EPHB1: variants seen among roughly 807,000 people sequenced by gnomAD.
EPHB1 encodes ephrin type-B receptor 1.
In EPHB1, 30 loss-of-function variants were observed where a neutral mutation model predicts 94.4. The observed-to-expected ratio is 0.32, with a 90% CI of 0.24 to 0.43. The LOEUF is 0.43. EPHB1 is among the 20% of genes least tolerant of loss of function. EPHB1 has a pLI of 1.00. For synonymous variants in EPHB1, 522 were observed against 489.1 expected (o/e 1.07, Z -0.89); for missense variants, 1,055 against 1,308.3 (o/e 0.81, Z 2.99).
At chr3:135,020,883 G>A (rs905892330) in intron 3 of EPHB1, among the ~76,000 whole-genome samples, 1 of 152,116 alleles carries the variant, frequency 6.6e-6, no homozygotes, top group African/African-American at 2.4e-5. Context: ...TTCGTAAATA[G>A]TAATAGGGTG....
chr3:134,898,912 C>G (rs2038142824), intron 1 of EPHB1, among the ~76,000 whole-genome samples: 1 of 152,136 alleles, frequency 6.6e-6, no homozygotes, highest in African/African-American at 2.4e-5. Flanking sequence ...CCCTGGAACT[C>G]TGACTCTAGG....
intron 3 of EPHB1, among the ~76,000 whole-genome samples, chr3:134,967,414 C>T (rs1420497060): frequency 2.6e-5 from 4 of 152,238 alleles, no homozygotes. Flanking sequence ...GAGATAGGAC[C>T]TTTGCTAGGT....
At chr3:135,016,263 C>T (rs1935793646) in intron 3 of EPHB1, among the ~76,000 whole-genome samples, 1 of 152,176 alleles carries the variant, frequency 6.6e-6, no homozygotes, top group African/African-American at 2.4e-5. Context: ...CAATAAAATG[C>T]AGATATGCGA....
At chr3:134,978,580 T>G (rs1419506004) in intron 3 of EPHB1, among the ~76,000 whole-genome samples, 1 of 152,222 alleles carries the variant, frequency 6.6e-6, no homozygotes, top group Non-Finnish European at 1.5e-5. Flanking sequence ...GGATTTCCCT[T>G]CTCTTTCCTT....
chr3:135,015,391 C>T (rs1217836206), intron 3 of EPHB1, among the ~76,000 whole-genome samples: 1 of 152,166 alleles, frequency 6.6e-6, no homozygotes, highest in Non-Finnish European at 1.5e-5. Context: ...CAGTCACATG[C>T]CACCACACCC....
At chr3:135,102,916 A>T (rs979703757) in intron 3 of EPHB1, among the ~76,000 whole-genome samples, 2 of 152,132 alleles carry the variant, frequency 1.3e-5, no homozygotes, top group African/African-American at 4.8e-5. Context: ...CATAAGTAGG[A>T]GTTGAACAAT....
chr3:135,080,495 A>T (rs1023620930), intron 3 of EPHB1, among the ~76,000 whole-genome samples: 1 of 152,168 alleles, frequency 6.6e-6, no homozygotes, highest in African/African-American at 2.4e-5. Context: ...CCCTGGGGAC[A>T]CTTGGGGGTG....
chr3:135,152,206 T>G (rs1941216069), intron 5 of EPHB1, among the ~76,000 whole-genome samples: 1 of 152,212 alleles, frequency 6.6e-6, no homozygotes, highest in Non-Finnish European at 1.5e-5. Flanking sequence ...CTAGTTTCCT[T>G]AGATATTTGA....
At chr3:135,119,395 C>T (rs1016107239) in intron 4 of EPHB1, among the ~76,000 whole-genome samples, 1 of 152,056 alleles carries the variant, frequency 6.6e-6, no homozygotes, top group African/African-American at 2.4e-5. Flanking sequence ...TATATATGTC[C>T]TTCCCACTCT....
intron 1 of EPHB1, among the ~76,000 whole-genome samples, chr3:134,864,187 C>T (rs1252130027): frequency 6.6e-6 from 1 of 152,194 alleles, no homozygotes; most frequent in African/African-American, 2.4e-5. Context: ...CACTGCAGTT[C>T]ATGGCTTTTG....
intron 3 of EPHB1, among the ~76,000 whole-genome samples, chr3:135,065,049 A>G (rs1186173114): frequency 2.0e-5 from 3 of 152,018 alleles, no homozygotes; most frequent in African/African-American, 7.2e-5. Context: ...GTTTTATTCC[A>G]CTGTGGTCTG....
chr3:134,977,831 T>C, intron 3 of EPHB1: 1 of 359,960 alleles, frequency 2.8e-6, no homozygotes, highest in South Asian at 2.1e-5. Flanking sequence ...CCAGGAGATG[T>C]TGGAAACCAC....
At position 135,123,124 on chromosome 3, in the gene EPHB1, G is replaced by A. The variant is rs1940044902; in HGVS notation, c.962-9590G>A. ...AGGTGCCTCTACCCCAGGTGGAAGA[G>A]TTGTTAAGGATGAGATTTGGAACCT... is the stretch of plus-strand genomic sequence containing the variant. On this transcript the variant is annotated intron_variant, in intron 4 of 15. Coordinates refer to ENST00000398015, the MANE Select transcript of EPHB1 (RefSeq NM_004441.5). Among the ~76,000 whole-genome samples, 3 of 152,196 alleles carry A rather than the reference G, an allele frequency of 2.0e-5. No individual in the cohort carries two copies. In the South Asian group the frequency reaches 6.2e-4, roughly 31 times the overall value.
intron 12 of EPHB1, among the ~76,000 whole-genome samples, chr3:135,207,752 C>A (rs1942936879): frequency 6.6e-6 from 1 of 152,198 alleles, no homozygotes; most frequent in South Asian, 2.1e-4. Flanking sequence ...TCATTTATTT[C>A]TTGTCATCTG....
chr3:134,910,270 A>G (rs1366288773), intron 1 of EPHB1, among the ~76,000 whole-genome samples: 1 of 152,080 alleles, frequency 6.6e-6, no homozygotes, highest in African/African-American at 2.4e-5. Flanking sequence ...GGTAGACCAA[A>G]TGCTCACAGC....
intron 1 of EPHB1, among the ~76,000 whole-genome samples, chr3:134,894,831 C>T (rs1019305412): frequency 2.0e-5 from 3 of 152,194 alleles, no homozygotes; most frequent in Non-Finnish European, 2.9e-5. Context: ...TGCTTTGTTC[C>T]GGGAAAACAT....
chr3:134,907,686 C>G (rs1330044391), intron 1 of EPHB1, among the ~76,000 whole-genome samples: 2 of 150,412 alleles, frequency 1.3e-5, no homozygotes, highest in Non-Finnish European at 1.5e-5. Flanking sequence ...AGCCAGCCAG[C>G]ACTGGTGATG....
chr3:135,036,261 C>G (rs12631976), intron 3 of EPHB1, among the ~76,000 whole-genome samples: 38,673 of 152,068 alleles, frequency 0.25, 6,405 homozygotes, highest in East Asian at 0.71. Flanking sequence ...CATAACTACT[C>G]GGGGAGGGTG....
intron 5 of EPHB1, among the ~76,000 whole-genome samples, chr3:135,153,810 A>G (rs548318895): frequency 1.7e-3 from 261 of 152,316 alleles, no homozygotes; most frequent in Non-Finnish European, 3.1e-3. Flanking sequence ...CTTCTCAAAA[A>G]CATTACAGTG....
Sources: allele counts gnomAD v4.1 joint callset (sites outside exome capture counted in the v4.1 genomes callset), GRCh38; gene constraint gnomAD v4.1.1; transcripts MANE v1.5; gene names NCBI Gene and HGNC (gene_info 2026-07-23, HGNC 2026-07-21).